The following COMMD10 variants were observed in gnomAD, a reference collection of about 807,000 sequenced individuals.
The protein encoded by COMMD10 is COMM domain-containing protein 10.
COMMD10 carries 33 observed loss-of-function variants against 28.9 expected under a neutral mutation model. The observed-to-expected ratio is 1.14, with a 90% CI of 0.87 to 1.53. COMMD10 has a LOEUF of 1.53. Ranked by LOEUF, COMMD10 falls within the 40% of genes most tolerant of loss-of-function variation. The pLI is 0.00. For synonymous variants in COMMD10, 110 were observed against 81.7 expected (o/e 1.35, Z -1.87); for missense variants, 310 against 233.4 (o/e 1.33, Z -2.14).
At chr5:116,276,720 A>G (rs950623704) in intron 5 of COMMD10, among the ~76,000 whole-genome samples, 6 of 151,842 alleles carry the variant, frequency 4.0e-5, no homozygotes, top group Admixed American at 3.3e-4. Flanking sequence ...ACATGGATAC[A>G]TCTCAAAAAT....
At chr5:116,184,380 G>T (rs1748073249) in intron 5 of COMMD10, among the ~76,000 whole-genome samples, 2 of 149,820 alleles carry the variant, frequency 1.3e-5, no homozygotes, top group Admixed American at 6.6e-5. Flanking sequence ...GAATTGATTT[G>T]GGCTTCTTTT....
intron 5 of COMMD10, among the ~76,000 whole-genome samples, chr5:116,206,612 A>G (rs960330023): frequency 6.6e-6 from 1 of 152,184 alleles, no homozygotes; most frequent in Admixed American, 6.6e-5. Context: ...AGATAGTGCC[A>G]TTGTACTCCA....
intron 5 of COMMD10, among the ~76,000 whole-genome samples, chr5:116,261,980 T>C (rs1036253280): frequency 9.9e-5 from 15 of 151,934 alleles, no homozygotes; most frequent in African/African-American, 3.6e-4. Context: ...TCATATGATC[T>C]TTAACACAAT....
intron 4 of COMMD10, among the ~76,000 whole-genome samples, chr5:116,130,679 G>A (rs1033349041): frequency 1.3e-5 from 2 of 151,892 alleles, no homozygotes; most frequent in African/African-American, 4.8e-5. Context: ...TATTTAAGTG[G>A]CGACTCTAAT....
At chr5:116,104,001 G>T (rs776687515) in intron 4 of COMMD10, among the ~76,000 whole-genome samples, 62 of 152,232 alleles carry the variant, frequency 4.1e-4, no homozygotes, top group Middle Eastern at 3.4e-3. Context: ...ATGTTCCATT[G>T]GTCTATATGT....
At chr5:116,180,572 T>A (rs1747922082) in intron 5 of COMMD10, among the ~76,000 whole-genome samples, 1 of 152,122 alleles carries the variant, frequency 6.6e-6, no homozygotes, top group Non-Finnish European at 1.5e-5. Flanking sequence ...AATTTTCTAT[T>A]AGCAGTTCAT....
intron 5 of COMMD10, among the ~76,000 whole-genome samples, chr5:116,172,970 T>C (rs1753386775): frequency 6.6e-6 from 1 of 152,152 alleles, no homozygotes; most frequent in Non-Finnish European, 1.5e-5. Context: ...TCATGTAAAG[T>C]TTATAAAATT....
At chr5:116,121,242 T>C (rs1751423674) in intron 4 of COMMD10, among the ~76,000 whole-genome samples, 1 of 152,228 alleles carries the variant, frequency 6.6e-6, no homozygotes, top group Non-Finnish European at 1.5e-5. Context: ...TTTGGTTTTC[T>C]GTCCTTGTGA....
In COMMD10 at chr5:116,140,020, C is replaced by G. The variant is rs141100372; in HGVS notation, c.510+5842C>G. Among the ~76,000 whole-genome samples the G allele has an allele frequency of 4.3e-3, 654 of 151,798 alleles. 2 individuals are homozygous for G. The highest frequency in any genetic ancestry group is 6.8e-3 in the African/African-American group (282 of 41,476). On this transcript the variant is annotated intron_variant, in intron 5 of 6. Coordinates refer to ENST00000274458, the MANE Select transcript of COMMD10 (RefSeq NM_016144.4). ...TCCTACATAACTGCAAGTTTATATG[C>G]TTTAACCTGCTTCTCCCCATTTTTT... is the stretch of plus-strand genomic sequence containing the variant.
intron 5 of COMMD10, chr5:116,218,098 C>T (rs1402423976): frequency 3.8e-6 from 5 of 1,300,014 alleles, no homozygotes; most frequent in African/African-American, 2.9e-5. Flanking sequence ...CAGGGTTATT[C>T]CCCTCCTTGC....
intron 5 of COMMD10, among the ~76,000 whole-genome samples, chr5:116,261,622 C>A (rs907849668): frequency 6.6e-6 from 1 of 151,788 alleles, no homozygotes; most frequent in Non-Finnish European, 1.5e-5. Context: ...ACTCCTGCCT[C>A]TTCTTTCTTT....
At chr5:116,279,559 A>G (rs1357404411) in intron 5 of COMMD10, among the ~76,000 whole-genome samples, 3 of 151,872 alleles carry the variant, frequency 2.0e-5, no homozygotes, top group Non-Finnish European at 2.9e-5. Flanking sequence ...TTGGAATCAC[A>G]GGGCTTGAGG....
At chr5:116,146,787 A>G (rs925869707) in intron 5 of COMMD10, among the ~76,000 whole-genome samples, 5 of 151,972 alleles carry the variant, frequency 3.3e-5, no homozygotes, top group African/African-American at 4.8e-5. Flanking sequence ...ACTTGTAACT[A>G]TATATTTCTC....
chr5:116,091,249 A>T (rs1263036130), intron 3 of COMMD10, 60 bp downstream of exon 3: 2 of 811,526 alleles, frequency 2.5e-6, no homozygotes, highest in Admixed American at 2.5e-5. Context: ...TTGTATTGTT[A>T]TGATATCTAT....
At chr5:116,096,532 G>C (rs1473654291) in intron 4 of COMMD10, among the ~76,000 whole-genome samples, 1 of 151,954 alleles carries the variant, frequency 6.6e-6, no homozygotes, top group Non-Finnish European at 1.5e-5. Flanking sequence ...CGTTGTCTGT[G>C]AATAAAGACA....
chr5:116,198,971 C>T (rs1286082207), intron 5 of COMMD10, among the ~76,000 whole-genome samples: 4 of 152,130 alleles, frequency 2.6e-5, no homozygotes, highest in East Asian at 3.9e-4. Context: ...TGGATAAATA[C>T]CAAGGAACAT....
At chr5:116,088,167 TA>T (rs1750172119) in intron 2 of COMMD10, among the ~76,000 whole-genome samples, 1 of 152,216 alleles carries the variant, frequency 6.6e-6, no homozygotes. Context: ...ATCTCATATT[TA>T]TGGAGCACCC....
intron 4 of COMMD10, among the ~76,000 whole-genome samples, chr5:116,127,028 T>C (rs564060831): frequency 8.1e-4 from 124 of 152,286 alleles, no homozygotes; most frequent in African/African-American, 2.8e-3. Context: ...TCTACCCAAC[T>C]GACAAAGGGC....
intron 4 of COMMD10, among the ~76,000 whole-genome samples, chr5:116,116,705 T>TTTTTC (rs1485980020): frequency 9.1e-5 from 3 of 33,104 alleles, no homozygotes; most frequent in Non-Finnish European, 3.8e-4. Context: ...ATGCAGAGAT[T>TTTTTC]TTTTTTTTTT....
Sources: gnomAD v4.1 joint callset for allele counts (sites outside exome capture counted in the v4.1 genomes callset) on GRCh38, gnomAD v4.1.1 for gene constraint, MANE v1.5 for transcripts, NCBI Gene and HGNC (gene_info 2026-07-23, HGNC 2026-07-21) for gene names.